The following KAZN variants were observed in gnomAD, a reference collection of about 807,000 sequenced individuals.
KAZN encodes the protein kazrin.
KAZN carries 40 observed loss-of-function variants against 87.4 expected under a neutral mutation model. The observed-to-expected ratio is 0.46, with a 90% CI of 0.36 to 0.60. The LOEUF is 0.60. Ranked by LOEUF, KAZN falls within the 20% of genes least tolerant of loss-of-function variation. KAZN has a pLI of 0.00. For missense variants in KAZN, 898 were observed against 1,073.9 expected (o/e 0.84, Z 2.29); for synonymous variants, 466 against 458.3 (o/e 1.02, Z -0.22).
intron 1 of KAZN, among the ~76,000 whole-genome samples, chr1:14,079,290 C>A (rs9660013): frequency 0.081 from 12,340 of 152,248 alleles, 597 homozygotes; most frequent in South Asian, 0.11. Flanking sequence ...TTGCTGCTGG[C>A]AGTCATTTAA....
intron 2 of KAZN, among the ~76,000 whole-genome samples, chr1:14,366,818 G>A (rs552693458): frequency 6.6e-6 from 1 of 152,220 alleles, no homozygotes; most frequent in African/African-American, 2.4e-5. Flanking sequence ...AGGGCAGATG[G>A]TCAGTGTGAC....
chr1:14,814,806 A>G (rs991752720), intron 1 of KAZN, among the ~76,000 whole-genome samples: 1 of 152,230 alleles, frequency 6.6e-6, no homozygotes, highest in African/African-American at 2.4e-5. Flanking sequence ...GTCAGCTTCA[A>G]ATTCAAGGAA....
intron 1 of KAZN, among the ~76,000 whole-genome samples, chr1:14,633,324 C>T (rs1049589897): frequency 1.3e-5 from 2 of 152,126 alleles, no homozygotes; most frequent in African/African-American, 4.8e-5. Flanking sequence ...GAGATGTGGA[C>T]CCAATGTCAT....
chr1:13,933,836 A>G (rs1056066197), intron 1 of KAZN, among the ~76,000 whole-genome samples: 4 of 152,218 alleles, frequency 2.6e-5, no homozygotes, highest in African/African-American at 7.2e-5. Flanking sequence ...TAAGCCACAT[A>G]TCTGGTTAGT....
intron 1 of KAZN, among the ~76,000 whole-genome samples, chr1:14,643,641 T>C (rs1680578184): frequency 6.6e-6 from 1 of 152,228 alleles, no homozygotes; most frequent in Non-Finnish European, 1.5e-5. Flanking sequence ...TGCGTGCATG[T>C]ATCTTTATGG....
intron 2 of KAZN, among the ~76,000 whole-genome samples, chr1:15,011,643 A>G (rs889911957): frequency 7.2e-5 from 11 of 152,340 alleles, no homozygotes; most frequent in African/African-American, 2.6e-4. Flanking sequence ...CAGGGTGCCA[A>G]GTCACCAAAC....
chr1:14,328,891 T>A (rs1038220065), intron 2 of KAZN, among the ~76,000 whole-genome samples: 24 of 152,012 alleles, frequency 1.6e-4, no homozygotes, highest in Admixed American at 1.4e-3. Context: ...GAGGGTGACA[T>A]GTCTAACAGA....
intron 2 of KAZN, among the ~76,000 whole-genome samples, chr1:14,294,248 C>T (rs1048676901): frequency 2.0e-5 from 3 of 152,148 alleles, no homozygotes; most frequent in African/African-American, 7.2e-5. Context: ...AAAACAGAAG[C>T]AACCACACCA....
intron 2 of KAZN, among the ~76,000 whole-genome samples, chr1:14,432,027 A>C (rs1287106549): frequency 6.6e-6 from 1 of 152,194 alleles, no homozygotes; most frequent in East Asian, 1.9e-4. Context: ...TAGGAACCAA[A>C]CATGGTGTGA....
chr1:14,409,128 C>G (rs531740566), intron 2 of KAZN, among the ~76,000 whole-genome samples: 8 of 152,122 alleles, frequency 5.3e-5, no homozygotes, highest in Non-Finnish European at 1.0e-4. Flanking sequence ...AGGCAACCCT[C>G]TTGTACAAAC....
chr1:14,669,653 G>A (rs1639796703), intron 1 of KAZN, among the ~76,000 whole-genome samples: 5 of 152,126 alleles, frequency 3.3e-5, no homozygotes, highest in Admixed American at 3.3e-4. Flanking sequence ...AGGCTGGGAT[G>A]GGAGGATCGC....
At chr1:14,548,521 C>T (rs937187635) in intron 2 of KAZN, among the ~76,000 whole-genome samples, 1 of 152,238 alleles carries the variant, frequency 6.6e-6, no homozygotes, top group South Asian at 2.1e-4. Flanking sequence ...TTTATCATTT[C>T]GCCATATATG....
chr1:15,035,127 G>T (rs1247814818), intron 3 of KAZN, among the ~76,000 whole-genome samples: 24 of 151,936 alleles, frequency 1.6e-4, no homozygotes, highest in Admixed American at 1.6e-3. Context: ...TCAGATCCTG[G>T]CTCCTTGTGT....
rs1046789961 is a variant in KAZN, at chr1:14,965,209, G to A, written c.418+4334G>A. ...AATTTTTGTATTTTTTTGTAGAGAC[G>A]GAGGCTTGCCATGTTGCTCAGGCTG... is the stretch of plus-strand genomic sequence containing the variant. On this transcript the variant is annotated intron_variant, in intron 2 of 14. Transcript: ENST00000376030. Among the ~76,000 whole-genome samples, 5 of 151,978 alleles carry A rather than the reference G, an allele frequency of 3.3e-5. No individual in the cohort carries two copies. The South Asian group carries it at 6.2e-4, about 19-fold the overall frequency.
intron 1 of KAZN, among the ~76,000 whole-genome samples, chr1:14,865,128 G>A (rs1441921613): frequency 1.3e-5 from 2 of 152,176 alleles, no homozygotes; most frequent in Admixed American, 6.5e-5. Context: ...TTCAGGCAGG[G>A]GTGGAATGGG....
At chr1:14,180,419 CTTTTTCTTT>C in intron 1 of KAZN, 1 of 1,543,634 alleles carries the variant, frequency 6.5e-7, no homozygotes, top group Non-Finnish European at 8.7e-7. Context: ...ACTTTTCCTT[CTTTTTCTTT>C]CCACAGCTGT....
intron 8 of KAZN, among the ~76,000 whole-genome samples, chr1:15,076,201 A>C (rs571153040): frequency 2.6e-5 from 4 of 152,204 alleles, no homozygotes; most frequent in Non-Finnish European, 5.9e-5. Context: ...GCCTGTCCCC[A>C]AATGGAGGGT....
At chr1:14,470,684 G>C (rs1668409101) in intron 2 of KAZN, among the ~76,000 whole-genome samples, 1 of 152,320 alleles carries the variant, frequency 6.6e-6, no homozygotes, top group South Asian at 2.1e-4. Flanking sequence ...GGAAAAGGAA[G>C]GTAGAGGTGG....
intron 1 of KAZN, among the ~76,000 whole-genome samples, chr1:14,071,688 A>G (rs753918430): frequency 4.6e-5 from 7 of 152,070 alleles, no homozygotes; most frequent in African/African-American, 1.2e-4. Flanking sequence ...TCCTGCAGCA[A>G]TCTCTCCCAA....
Sources: allele counts gnomAD v4.1 joint callset (sites outside exome capture counted in the v4.1 genomes callset), GRCh38; gene constraint gnomAD v4.1.1; transcripts MANE v1.5; gene names NCBI Gene and HGNC (gene_info 2026-07-23, HGNC 2026-07-21).